The following ALDH2 variants were observed in gnomAD, a reference collection of about 807,000 sequenced individuals.
The protein encoded by ALDH2 is aldehyde dehydrogenase, mitochondrial.
ALDH2 carries 44 observed loss-of-function variants against 59.6 expected under a neutral mutation model. The ratio of observed to expected loss-of-function variants is 0.74; its 90% CI spans 0.58 to 0.95. ALDH2 has a LOEUF of 0.95. Ranked by LOEUF, ALDH2 falls within the 40% of genes least tolerant of loss-of-function variation. ALDH2 has a pLI of 0.00. For missense variants in ALDH2, 570 were observed against 696.3 expected, an observed-to-expected ratio of 0.82 and a Z score of 2.04; for synonymous variants, 291 against 284.0, an observed-to-expected ratio of 1.02 and a Z score of -0.25.
intron 2 of ALDH2, 116 bp downstream of exon 2, chr12:111,782,138 A>T: frequency 1.3e-6 from 1 of 750,414 alleles, no homozygotes; most frequent in Non-Finnish European, 2.2e-6. Context: ...AACAGATACC[A>T]GTGAAAAATT....
chr12:111,772,776 C>T (rs1036713614), intron 1 of ALDH2, among the ~76,000 whole-genome samples: 3 of 149,640 alleles, frequency 2.0e-5, no homozygotes, highest in East Asian at 2.0e-4. Flanking sequence ...TGGGCTGAAG[C>T]GATCCTCCTG....
intron 3 of ALDH2, 60 bp from the exon 4 acceptor site, chr12:111,785,207 G>A: frequency 7.1e-7 from 1 of 1,400,724 alleles, no homozygotes. Flanking sequence ...CCCTCTGTCA[G>A]CCCTTTGTTT....
intron 1 of ALDH2, among the ~76,000 whole-genome samples, chr12:111,771,293 C>T (rs376699306): frequency 1.3e-5 from 2 of 151,982 alleles, no homozygotes; most frequent in African/African-American, 2.4e-5. Context: ...GCTACTTGGG[C>T]GGCTGAGGCA....
In ALDH2 at chr12:111,798,611, T is replaced by C. The variant is rs145535938; in HGVS notation, c.1248+369T>C. Among the ~76,000 whole-genome samples, 580 of 152,210 alleles carry C rather than the reference T, an allele frequency of 3.8e-3. 2 individuals are homozygous for C. Among genetic ancestry groups the C allele is most frequent in the Non-Finnish European group, 6.0e-3 (409 of 68,012 alleles). Reference sequence around the variant, plus strand: ...GTGCAGTGGCATAATCATGGCTCCTTATAGCCTTGAACTCTTGGGCTCAAA... The same window carrying C: ...GTGCAGTGGCATAATCATGGCTCCTCATAGCCTTGAACTCTTGGGCTCAAA... On this transcript the variant is annotated intron_variant, in intron 10 of 12. Coordinates refer to ENST00000261733, the MANE Select transcript of ALDH2 (RefSeq NM_000690.4).
chr12:111,809,459 C>T, intron 12 of ALDH2, 84 bp from the exon 13 acceptor site: 2 of 1,485,652 alleles, frequency 1.3e-6, no homozygotes, highest in Admixed American at 3.6e-5. Flanking sequence ...CCTTTCTGCT[C>T]ACACTTAGTC....
In ALDH2 at chr12:111,803,862, C is replaced by A; in HGVS notation, c.1410C>A (p.Val470=). 6.2e-7 allele frequency: 1 copy of A among 1,607,138 alleles called. No individual in the cohort carries two copies. Among genetic ancestry groups the A allele is most frequent in the South Asian group, 1.1e-5 (1 of 89,974 alleles). ...GCAATCTCGTTTCAAATTACAGGGT[C>A]AACTGCTATGATGTGTTTGGAGCCC... ...SQALQAGTVW[V]NCYDVFGAQS... The change falls in exon 12 of 13, where the codon GTC becomes GTA. Residue 470 remains valine (V), a synonymous_variant. Coordinates refer to ENST00000261733, the MANE Select transcript of ALDH2 (RefSeq NM_000690.4).
chr12:111,804,139 G>A (rs573421256), intron 12 of ALDH2, among the ~76,000 whole-genome samples, 166 bp downstream of exon 12: 2 of 152,098 alleles, frequency 1.3e-5, no homozygotes, highest in Admixed American at 1.3e-4. Flanking sequence ...ACCTGCTGGG[G>A]ATCAGGGCCT....
chr12:111,799,715 G>C (rs1259260382), intron 10 of ALDH2, 191 bp from the exon 11 acceptor site: 1 of 560,384 alleles, frequency 1.8e-6, no homozygotes, highest in African/African-American at 1.9e-5. Flanking sequence ...CGCACAGGAG[G>C]AAGTTGGCCC....
intron 9 of ALDH2, among the ~76,000 whole-genome samples, chr12:111,796,367 G>A (rs1456169732): frequency 1.3e-5 from 2 of 151,612 alleles, no homozygotes; most frequent in African/African-American, 4.9e-5. Flanking sequence ...AAAAAAATTA[G>A]CCAGATGTAG....
intron 9 of ALDH2, among the ~76,000 whole-genome samples, chr12:111,793,957 C>T (rs561079679): frequency 2.1e-4 from 32 of 151,652 alleles, no homozygotes; most frequent in African/African-American, 7.3e-4. Flanking sequence ...CTGAAACCCC[C>T]GTCCTCCACC....
At chr12:111,783,554 G>A (rs2068289091) in intron 3 of ALDH2, among the ~76,000 whole-genome samples, 3 of 152,148 alleles carry the variant, frequency 2.0e-5, no homozygotes, top group African/African-American at 7.2e-5. Flanking sequence ...CTGTCGCCTA[G>A]GCTGGAGTGC....
intron 1 of ALDH2, among the ~76,000 whole-genome samples, chr12:111,770,944 AT>A (rs2068194795): frequency 6.6e-6 from 1 of 150,624 alleles, no homozygotes; most frequent in East Asian, 2.0e-4. Flanking sequence ...CAGCCAGCCA[AT>A]TTTTTATAAT....
Position 111,766,953 on chromosome 12 carries a change from G to GGTCC in ALDH2, c.-28_-25dup. 6.6e-7 allele frequency: 1 copy of GGTCC among 1,511,310 alleles called. No homozygotes were observed. Among genetic ancestry groups the GGTCC allele is most frequent in the Non-Finnish European group, 8.8e-7 (1 of 1,134,822 alleles). The allele number at this position is 1,511,310 out of a possible 1,614,324, so 93.6% of individuals were successfully genotyped here. On this transcript the variant is annotated 5_prime_UTR_variant, in exon 1 of 13. Coordinates refer to ENST00000261733, the MANE Select transcript of ALDH2 (RefSeq NM_000690.4). ...GCCCTGAGACCCTAGCTCTGCTCTC[G>GGTCC]GTCCGCTCGCTGTCCGCTAGCCCGC... is the stretch of plus-strand genomic sequence containing the variant.
At chr12:111,809,511 A>G in intron 12 of ALDH2, 32 bp from the exon 13 acceptor site, 3 of 1,613,820 alleles carry the variant, frequency 1.9e-6, no homozygotes, top group Non-Finnish European at 2.5e-6. Flanking sequence ...GGGAAGCAGG[A>G]AGATCTAACG....
At chr12:111,771,128 G>A (rs975107794) in intron 1 of ALDH2, among the ~76,000 whole-genome samples, 4 of 152,038 alleles carry the variant, frequency 2.6e-5, no homozygotes, top group African/African-American at 9.7e-5. Flanking sequence ...AGGTGTGGTG[G>A]CTCACAGCTG....
At chr12:111,769,242 A>G (rs756099980) in intron 1 of ALDH2, among the ~76,000 whole-genome samples, 2 of 152,098 alleles carry the variant, frequency 1.3e-5, no homozygotes, top group Admixed American at 6.6e-5. Flanking sequence ...ATAAAATTGC[A>G]GAGGACTGAC....
chr12:111,791,466 C>T (rs1447483839), intron 7 of ALDH2, 47 bp downstream of exon 7: 1 of 1,429,758 alleles, frequency 7.0e-7, no homozygotes, highest in South Asian at 1.2e-5. Flanking sequence ...GGCCCAAGCT[C>T]CCCCTGTCCT....
Position 111,810,254 on chromosome 12 carries a change from A to C in ALDH2, c.*679A>C, listed in dbSNP as rs1035018403. 6.5e-6 allele frequency: 1 copy of C among 152,720 alleles called. No individual in the cohort carries two copies. The highest frequency in any genetic ancestry group is 2.4e-5 in the African/African-American group (1 of 41,454). 9.5% of individuals were successfully genotyped at this position (152,720 alleles called of 1,614,324 possible). A position where few individuals can be genotyped will look rare whatever the true frequency, so the allele number is the denominator to read the frequency against. ...GGGAGGTGGAGGTTGCAGTGAGTGG[A>C]GATCATGCCACTGCACTCCAGCCTG... On this transcript the variant is annotated 3_prime_UTR_variant, in exon 13 of 13. Transcript: ENST00000261733.
In ALDH2 at chr12:111,783,247, G is replaced by A; in HGVS notation, c.309G>A (p.Arg103=). Residue 103 remains arginine (R), a synonymous_variant, in exon 3 of 13, where the codon CGG becomes CGA. Transcript: ENST00000261733. ...GCATGGACGCATCACACAGGGGCCG[G>A]CTGCTGAACCGCCTGGCCGATCTGA... is the stretch of plus-strand genomic sequence containing the variant. ...WRRMDASHRG[R]LLNRLADLIE... is the part of the protein sequence containing the mutation. 1 of 1,613,048 alleles carries A rather than the reference G, an allele frequency of 6.2e-7. No individual in the cohort carries two copies. The highest frequency in any genetic ancestry group is 8.5e-7 in the Non-Finnish European group (1 of 1,179,522).
Sources: allele counts gnomAD v4.1 joint callset (sites outside exome capture counted in the v4.1 genomes callset), GRCh38; gene constraint gnomAD v4.1.1; transcripts MANE v1.5; gene names NCBI Gene and HGNC (gene_info 2026-07-23, HGNC 2026-07-21).